DNAH2: variants seen among roughly 807,000 people sequenced by gnomAD.
The protein encoded by DNAH2 is axonemal beta dynein heavy chain 2.
DNAH2 carries 323 observed loss-of-function variants against 523.5 expected under a neutral mutation model. The observed-to-expected ratio is 0.62, with a 90% CI of 0.56 to 0.68. The LOEUF is 0.68. Ranked by LOEUF, DNAH2 falls within the 30% of genes least tolerant of loss-of-function variation. The probability of loss-of-function intolerance (pLI) is 0.00; values close to 1 mark genes in which losing one functional copy is unlikely to be tolerated. For missense variants in DNAH2, 4,907 were observed against 5,701.5 expected (o/e 0.86, Z 4.49); for synonymous variants, 2,093 against 2,177.4 (o/e 0.96, Z 1.08).
In DNAH2 at chr17:7,818,432, C is replaced by A. The variant is rs371358361; in HGVS notation, c.10508C>A (p.Thr3503Asn). ...AGCCCAGAGACCTCAGCCAAGACCA[C>A]CATCGTCAACTTTGCTGTTAAAGAA... is the stretch of plus-strand genomic sequence containing the variant. ...HYSPETSAKT[T>N]IVNFAVKEQG... Residue 3503 changes from threonine to asparagine, a missense_variant, in exon 69 of 86, where the codon ACC (threonine) becomes AAC (asparagine). Around this residue, in one of 3 missense-constraint regions of DNAH2, gnomAD observed 1,851 missense variants for 2,139.4 expected, o/e 0.87. Transcript: ENST00000572933. The A allele has an allele frequency of 5.6e-6, 9 of 1,614,090 alleles. No individual in the cohort carries two copies. Among genetic ancestry groups the A allele is most frequent in the African/African-American group, 4.0e-5 (3 of 74,936 alleles).
At chr17:7,743,458 G>T in intron 12 of DNAH2, 1 of 665,688 alleles carries the variant, frequency 1.5e-6, no homozygotes, top group South Asian at 1.6e-5. Context: ...TTGAGCCCAG[G>T]AGTTTGAGAA....
Position 7,788,164 on chromosome 17 carries a change from G to C in DNAH2, c.6820G>C (p.Glu2274Gln). 1 of 1,614,078 alleles carries C rather than the reference G, an allele frequency of 6.2e-7. No homozygotes were observed. The highest frequency in any genetic ancestry group is 8.5e-7 in the Non-Finnish European group (1 of 1,180,006). Residue 2274 changes from glutamate (E) to glutamine (Q), a missense_variant, in exon 44 of 86, where the codon GAG becomes CAG. Around this residue, in one of 3 missense-constraint regions of DNAH2, gnomAD observed 2,806 missense variants for 3,190.8 expected, o/e 0.88. Transcript: ENST00000572933. ...GGCCTTTAAGAAGGACAACTGCAAG[G>C]AGCTGGTGCCCCTGCCCGAGTACAG... ...MLAFKKDNCK[E>Q]LVPLPEYSGI...
intron 24 of DNAH2, 61 bp from the exon 25 acceptor site, chr17:7,770,191 G>A: frequency 6.6e-7 from 1 of 1,516,448 alleles, no homozygotes; most frequent in Middle Eastern, 2.1e-4. Flanking sequence ...GTCCCAGTGG[G>A]AGACAGCAAT....
chr17:7,807,030 T>G lies in DNAH2; in HGVS notation c.9443-120T>G, dbSNP rs2077384463. The G allele has an allele frequency of 1.7e-6, 2 of 1,199,278 alleles. No homozygotes were observed. Among genetic ancestry groups the G allele is most frequent in the Non-Finnish European group, 2.3e-6 (2 of 853,740 alleles). The allele number at this position is 1,199,278 out of a possible 1,614,324, so 74.3% of individuals were successfully genotyped here. On this transcript the variant is annotated intron_variant, in intron 61 of 85. Coordinates refer to ENST00000572933, the MANE Select transcript of DNAH2 (RefSeq NM_020877.5). This position sits in a 1 kb window ranked among gnomAD's most constrained non-coding sequence, Gnocchi z 5.6. ...GGAACTAGGGGCCAGGTCAGATAAT[T>G]TGGCCTTAGGAACTGAGCCCAGGAA...
intron 30 of DNAH2, 114 bp downstream of exon 30, chr17:7,775,456 T>C (rs2076423489): frequency 3.1e-6 from 3 of 964,580 alleles, no homozygotes; most frequent in African/African-American, 1.6e-5. Context: ...GAGGCTGAGG[T>C]GGGCAGATCA....
chr17:7,734,727 G>T lies in DNAH2; in HGVS notation c.978+19G>T, dbSNP rs1330531185. 1.2e-6 allele frequency: 2 copies of T among 1,609,570 alleles called. No individual in the cohort carries two copies. Among genetic ancestry groups the T allele is most frequent in the African/African-American group, 1.3e-5 (1 of 74,484 alleles). On this transcript the variant is annotated intron_variant, in intron 7 of 85. Transcript: ENST00000572933. ...GATCCAGGTTTGTGAGCGAATCAAA[G>T]GATTCAGGCTCAGCAAGAAGTGGGC...
At chr17:7,818,167 C>T (rs1333329317) in intron 68 of DNAH2, 71 bp downstream of exon 68, 1 of 1,599,990 alleles carries the variant, frequency 6.3e-7, no homozygotes, top group Non-Finnish European at 8.5e-7. Flanking sequence ...TGACTGTGTC[C>T]TCTTCTTACC....
At chr17:7,742,892 A>G in intron 11 of DNAH2, 36 bp from the exon 12 acceptor site, 1 of 1,403,540 alleles carries the variant, frequency 7.1e-7, no homozygotes. Flanking sequence ...GGAAGGTGGC[A>G]GGCCGACTCC....
chr17:7,719,555 G>A (rs149385689), intron 1 of DNAH2, among the ~76,000 whole-genome samples, 166 bp from the exon 2 acceptor site: 271 of 152,338 alleles, frequency 1.8e-3, no homozygotes, highest in Non-Finnish European at 2.4e-3. Context: ...GGCCCCTGTG[G>A]AGTACAGAGC....
rs780947020 is a variant in DNAH2 at position 7,823,877 on chromosome 17, C to A, written c.11373C>A (p.Ile3791=). ...GCAATGAAATGCAACGGATGCTGATCGTTCGCTCCCTGCGCCAGGACCGCG... is the reference window on the plus strand; with the variant it reads ...GCAATGAAATGCAACGGATGCTGATAGTTCGCTCCCTGCGCCAGGACCGCG... The part of the protein sequence containing the change: ...NACNEMQRML[I]VRSLRQDRVA... Residue 3791 remains isoleucine, a synonymous_variant, in exon 75 of 86, where the codon ATC becomes ATA. Transcript: ENST00000572933. 2 of 1,614,042 alleles carry A rather than the reference C, an allele frequency of 1.2e-6. No individual in the cohort carries two copies. The highest frequency in any genetic ancestry group is 8.5e-7 in the Non-Finnish European group (1 of 1,180,050).
chr17:7,798,141 C>T lies in DNAH2; in HGVS notation c.8231-16C>T, dbSNP rs754062898. 1.4e-5 allele frequency: 22 copies of T among 1,575,586 alleles called. No homozygotes were observed. The highest frequency in any genetic ancestry group is 1.8e-5 in the Non-Finnish European group (21 of 1,154,188). On this transcript the variant is annotated splice_polypyrimidine_tract_variant and intron_variant, in intron 53 of 85. Coordinates refer to ENST00000572933, the MANE Select transcript of DNAH2 (RefSeq NM_020877.5). The surrounding 1 kb of genome is among the most constrained non-coding windows in gnomAD (Gnocchi z 5.5). ...GCTCAGCCAACTCATTACCCTCACA[C>T]CCACCCCACCCCCAGTCACACGGAT...
chr17:7,776,889 G>T lies in DNAH2; in HGVS notation c.5058G>T (p.Gln1686His), dbSNP rs1208211568. 1.9e-6 allele frequency: 3 copies of T among 1,608,378 alleles called. No homozygotes were observed. The highest frequency in any genetic ancestry group is 2.2e-5 in the South Asian group (2 of 90,792). Residue 1686 changes from glutamine to histidine, a missense_variant and splice_region_variant, in exon 32 of 86, where the codon CAG becomes CAT. This residue lies in a region of DNAH2 where 2,806 missense variants were observed against 3,190.8 expected (regional missense o/e 0.88). Transcript: ENST00000572933. ...TCCTCAAGGTCATGAAGAAGAACCAGGTGAGAGGCTGGGCGCACTGGCTCA... is the reference window on the plus strand; with the variant it reads ...TCCTCAAGGTCATGAAGAAGAACCATGTGAGAGGCTGGGCGCACTGGCTCA... ...KKILKVMKKN[Q>H]VSILNKYSEA... is the part of the protein sequence containing the mutation.
At position 7,733,000 on chromosome 17, in the gene DNAH2, C is replaced by T. The variant is rs192385531; in HGVS notation, c.400-87C>T. On this transcript the variant is annotated intron_variant, in intron 4 of 85. Coordinates refer to ENST00000572933, the MANE Select transcript of DNAH2 (RefSeq NM_020877.5). ...AGAAGGATCAGGATACCCTGAGGGA[C>T]GTGAGAAAGAACTCAGCCGGGCTTT... The T allele has an allele frequency of 2.6e-4, 338 of 1,321,718 alleles. 5 individuals are homozygous for T. Among genetic ancestry groups the T allele is most frequent in the African/African-American group, 2.3e-3 (160 of 69,016 alleles). 81.9% of individuals were successfully genotyped at this position (1,321,718 alleles called of 1,614,324 possible).
Position 7,778,282 on chromosome 17 carries a change from G to A in DNAH2, c.5354G>A (p.Cys1785Tyr). 5.6e-6 allele frequency: 9 copies of A among 1,614,178 alleles called. No homozygotes were observed. Among genetic ancestry groups the A allele is most frequent in the Non-Finnish European group, 7.6e-6 (9 of 1,180,022 alleles). Reference sequence around the variant, plus strand: ...CTAGTTCTGTCCTCAATTCTCAGGTGTTACATGACACTGACCACGGCATTG... The same window carrying A: ...CTAGTTCTGTCCTCAATTCTCAGGTATTACATGACACTGACCACGGCATTG... ...RLVITPLTDR[C>Y]YMTLTTALHL... The change falls in exon 35 of 86, where the codon TGT (cysteine) becomes TAT (tyrosine). Residue 1785 changes from cysteine (C) to tyrosine (Y), a missense_variant and splice_region_variant. Coordinates refer to ENST00000572933, the MANE Select transcript of DNAH2 (RefSeq NM_020877.5).
chr17:7,724,495 T>A (rs2074730526), intron 3 of DNAH2, among the ~76,000 whole-genome samples: 1 of 152,034 alleles, frequency 6.6e-6, no homozygotes, highest in South Asian at 2.1e-4. Flanking sequence ...GGCGGATGCC[T>A]GTAATCCCAG....
At chr17:7,741,034 C>T (rs1277243641) in intron 11 of DNAH2, 42 bp downstream of exon 11, 4 of 1,562,180 alleles carry the variant, frequency 2.6e-6, no homozygotes, top group African/African-American at 1.3e-5. Context: ...TCAGTGAGAC[C>T]GCCAGGAGGG....
At chr17:7,810,187 C>T (rs1316222962) in intron 63 of DNAH2, among the ~76,000 whole-genome samples, 1 of 151,766 alleles carries the variant, frequency 6.6e-6, no homozygotes, top group Non-Finnish European at 1.5e-5. Context: ...CCCAAGCCTC[C>T]TGAGTAGCTG....
rs1375727198 is a variant in DNAH2, at chr17:7,801,713, G to A, written c.8832+3G>A. On this transcript the variant is annotated splice_donor_region_variant and intron_variant, in intron 57 of 85. Transcript: ENST00000572933. Reference sequence around the variant, plus strand: ...TAGACCTGGGAACTCAGGAGAATGTGAGCCCCTCCTCCCCACCTCTCATTG... The same window carrying A: ...TAGACCTGGGAACTCAGGAGAATGTAAGCCCCTCCTCCCCACCTCTCATTG... 1 of 1,613,814 alleles carries A rather than the reference G, an allele frequency of 6.2e-7. No individual in the cohort carries two copies. The highest frequency in any genetic ancestry group is 1.3e-5 in the African/African-American group (1 of 74,850).
At chr17:7,823,310 AT>A in intron 73 of DNAH2, 131 bp from the exon 74 acceptor site, 1 of 900,820 alleles carries the variant, frequency 1.1e-6, no homozygotes, top group Non-Finnish European at 1.7e-6. Flanking sequence ...AAAAAAAAAA[AT>A]TCCATTTGGT....
Sources: allele counts gnomAD v4.1 joint callset (sites outside exome capture counted in the v4.1 genomes callset), GRCh38; gene constraint gnomAD v4.1.1; regional missense constraint gnomAD v4.1.1; non-coding constraint Gnocchi (gnomAD v3.1); transcripts MANE v1.5; gene names NCBI Gene and HGNC (gene_info 2026-07-23, HGNC 2026-07-21).